KCNQ3: variants seen among roughly 807,000 people sequenced by gnomAD.
The protein encoded by KCNQ3 is potassium voltage-gated channel subfamily Q member 3, also known as potassium voltage-gated channel subfamily KQT member 3.
A neutral mutation model predicts 92.5 loss-of-function variants in KCNQ3; 30 were observed. That is an observed-to-expected ratio of 0.32 (90% CI 0.24 to 0.44). KCNQ3 has a LOEUF of 0.44. Ranked by LOEUF, KCNQ3 falls within the 20% of genes least tolerant of loss-of-function variation. KCNQ3 has a pLI of 1.00. For synonymous variants in KCNQ3, 450 were observed against 468.8 expected (o/e 0.96, Z 0.52); for missense variants, 913 against 1,140.3 (o/e 0.80, Z 2.87).
At chr8:132,144,282 T>C (rs115514606) in intron 9 of KCNQ3, among the ~76,000 whole-genome samples, 26 of 152,358 alleles carry the variant, frequency 1.7e-4, no homozygotes, top group African/African-American at 6.0e-4. Flanking sequence ...AAGAGGCTTA[T>C]GGAATTCTTC....
At chr8:132,362,522 C>T (rs1436091795) in intron 1 of KCNQ3, among the ~76,000 whole-genome samples, 1 of 152,102 alleles carries the variant, frequency 6.6e-6, no homozygotes, top group Non-Finnish European at 1.5e-5. Flanking sequence ...GCAATTGGTG[C>T]TTAAATAAAC....
At chr8:132,141,068 G>A (rs1194794778) in intron 10 of KCNQ3, 61 bp downstream of exon 10, 29 of 1,470,030 alleles carry the variant, frequency 2.0e-5, no homozygotes, top group Non-Finnish European at 2.7e-5. Context: ...AGGTGAGGAA[G>A]GAAGTGGACT....
intron 1 of KCNQ3, among the ~76,000 whole-genome samples, chr8:132,424,012 C>T (rs899952579): frequency 1.5e-4 from 23 of 152,214 alleles, no homozygotes; most frequent in African/African-American, 5.3e-4. Context: ...ATGTTTCTCC[C>T]ATAACTTGCA....
intron 9 of KCNQ3, among the ~76,000 whole-genome samples, chr8:132,160,182 G>A (rs1302759989): frequency 2.6e-5 from 4 of 152,182 alleles, no homozygotes; most frequent in Non-Finnish European, 4.4e-5. Context: ...AAGACCTTCT[G>A]GCTGAGGGAA....
At chr8:132,144,404 C>T (rs950166839) in intron 9 of KCNQ3, among the ~76,000 whole-genome samples, 1 of 152,212 alleles carries the variant, frequency 6.6e-6, no homozygotes, top group Non-Finnish European at 1.5e-5. Flanking sequence ...CAAAACCCAA[C>T]TCTGTTCTAC....
rs144474368 is a variant in KCNQ3, at chr8:132,170,353, C to T, written c.1216G>A (p.Val406Ile). ...VATWRFYESVVSFPFFRKEQL... is the reference protein window; with the variant it reads ...VATWRFYESVISFPFFRKEQL... Reference sequence around the variant, plus strand: ...ACTTGCCTGAAGAAAGGAAAAGAGACGACTGATTCATAAAATCTCCATGTC... The same window carrying T: ...ACTTGCCTGAAGAAAGGAAAAGAGATGACTGATTCATAAAATCTCCATGTC... The change falls in exon 8 of 15, where the codon GTC becomes ATC. Residue 406 changes from valine (V) to isoleucine (I), a missense_variant. Around this residue, in one of 6 missense-constraint regions of KCNQ3, gnomAD observed 182 missense variants for 234.5 expected, o/e 0.78. Transcript: ENST00000388996. 4.4e-5 allele frequency: 71 copies of T among 1,613,612 alleles called. No homozygotes were observed. The highest frequency in any genetic ancestry group is 1.8e-4 in the South Asian group (16 of 91,066).
chr8:132,172,265 G>T lies in KCNQ3; in HGVS notation c.1140+333C>A, dbSNP rs959708058. On this transcript the variant is annotated intron_variant, in intron 7 of 14. Transcript: ENST00000388996. The stretch of plus-strand genomic sequence containing the variant: ...CTATTTCTTTCTTGGCTTAGAAACT[G>T]AATGAGAGAGTGACAGGATTGTCAC... 5.3e-5 allele frequency among the ~76,000 whole-genome samples: 8 copies of T among 152,146 alleles called. No individual in the cohort carries two copies. The South Asian group carries it at 1.4e-3, about 28-fold the overall frequency.
At chr8:132,219,641 T>C (rs1421029884) in intron 1 of KCNQ3, among the ~76,000 whole-genome samples, 11 of 152,044 alleles carry the variant, frequency 7.2e-5, no homozygotes, top group South Asian at 2.1e-4. Context: ...TTTTTTTTTT[T>C]CACAAAACAA....
chr8:132,380,600 T>TCACACCCA (rs1309747290), intron 1 of KCNQ3, among the ~76,000 whole-genome samples: 1 of 151,968 alleles, frequency 6.6e-6, no homozygotes, highest in East Asian at 1.9e-4. Context: ...CTCCCACCCT[T>TCACACCCA]CACACCCACA....
At chr8:132,352,038 T>C (rs1818885769) in intron 1 of KCNQ3, among the ~76,000 whole-genome samples, 3 of 152,128 alleles carry the variant, frequency 2.0e-5, no homozygotes, top group South Asian at 4.1e-4. Context: ...TGCCAAGCCA[T>C]GGTTTGGGCT....
chr8:132,234,121 C>T (rs1814727547), intron 1 of KCNQ3, among the ~76,000 whole-genome samples: 2 of 152,106 alleles, frequency 1.3e-5, no homozygotes, highest in Admixed American at 1.3e-4. Context: ...TTTTTGCAAT[C>T]GAGCCTACAT....
Position 132,122,938 on chromosome 8 carries a change from T to G in KCNQ3, c.*6324A>C, listed in dbSNP as rs1223200789. On this transcript the variant is annotated 3_prime_UTR_variant, in exon 15 of 15. Transcript: ENST00000388996. ...GAGTCCTGTCTGCTTCTTTGTAGCT[T>G]TTGGTGAAGGCCCTAGAGTATCTGC... 2 of 152,192 alleles carry G rather than the reference T, an allele frequency of 1.3e-5. No individual in the cohort carries two copies. The highest frequency in any genetic ancestry group is 4.8e-5 in the African/African-American group (2 of 41,436). The allele number at this position is 152,192 out of a possible 1,614,324, so 9.4% of individuals were successfully genotyped here. A position where few individuals can be genotyped will look rare whatever the true frequency, so the allele number is the denominator to read the frequency against.
intron 9 of KCNQ3, among the ~76,000 whole-genome samples, chr8:132,152,145 A>G (rs1474805631): frequency 2.0e-5 from 3 of 152,208 alleles, no homozygotes; most frequent in Non-Finnish European, 2.9e-5. Context: ...TCTCAAATAC[A>G]GGTTTCTGAT....
At chr8:132,297,496 C>T (rs553737876) in intron 1 of KCNQ3, among the ~76,000 whole-genome samples, 1 of 152,254 alleles carries the variant, frequency 6.6e-6, no homozygotes, top group East Asian at 1.9e-4. Flanking sequence ...CAATAATTTT[C>T]CCTGTTCAAG....
chr8:132,135,578 A>G (rs1825055657), intron 12 of KCNQ3, among the ~76,000 whole-genome samples: 1 of 152,118 alleles, frequency 6.6e-6, no homozygotes, highest in Non-Finnish European at 1.5e-5. Flanking sequence ...CTAGAAACAC[A>G]TTTGCTTAGT....
chr8:132,210,184 G>C (rs780526451), intron 1 of KCNQ3, among the ~76,000 whole-genome samples: 1 of 152,158 alleles, frequency 6.6e-6, no homozygotes, highest in Non-Finnish European at 1.5e-5. Context: ...GCCCATGCTG[G>C]TCTGGTTTTT....
rs150885696 is a variant in KCNQ3, at chr8:132,309,608, T to C, written c.387-123427A>G. Among the ~76,000 whole-genome samples the C allele has an allele frequency of 3.3e-5, 5 of 152,356 alleles. No homozygotes were observed. The East Asian group carries it at 9.6e-4, about 29-fold the overall frequency. On this transcript the variant is annotated intron_variant, in intron 1 of 14. Transcript: ENST00000388996. ...CTCCCAGCATCGCTGACAAGCGAGCTGCAACACCAAATAGCAAGGACCACA... is the reference window on the plus strand; with the variant it reads ...CTCCCAGCATCGCTGACAAGCGAGCCGCAACACCAAATAGCAAGGACCACA...
intron 1 of KCNQ3, among the ~76,000 whole-genome samples, chr8:132,375,987 G>A (rs1819596454): frequency 6.6e-6 from 1 of 152,144 alleles, no homozygotes. Context: ...TGAGGGCAGG[G>A]GGGTGTCTTA....
intron 1 of KCNQ3, among the ~76,000 whole-genome samples, chr8:132,300,610 G>T (rs1817183036): frequency 6.6e-6 from 1 of 152,082 alleles, no homozygotes; most frequent in Non-Finnish European, 1.5e-5. Flanking sequence ...TCAGAAGGAG[G>T]GTGTGTCTCA....
Sources: allele counts gnomAD v4.1 joint callset (sites outside exome capture counted in the v4.1 genomes callset), GRCh38; gene constraint gnomAD v4.1.1; regional missense constraint gnomAD v4.1.1; transcripts MANE v1.5; gene names NCBI Gene and HGNC (gene_info 2026-07-23, HGNC 2026-07-21).